The following TENM4 variants were observed in gnomAD, a reference collection of about 807,000 sequenced individuals.
TENM4 encodes teneurin transmembrane protein 4, also known as teneurin-4.
Under a neutral mutation model 243.3 loss-of-function variants are expected in TENM4, and 82 were observed. The observed-to-expected ratio is 0.34, with a 90% CI of 0.28 to 0.40. TENM4 has a LOEUF of 0.40. Among genes scored for constraint, TENM4 ranks in the 10% least tolerant of loss-of-function variants. The pLI is 1.00. For synonymous variants in TENM4, 1,412 were observed against 1,456.3 expected, an observed-to-expected ratio of 0.97 and a Z score of 0.69; for missense variants, 3,138 against 3,673.3, an observed-to-expected ratio of 0.85 and a Z score of 3.77.
intron 2 of TENM4, among the ~76,000 whole-genome samples, chr11:79,291,731 G>A (rs1257543167): frequency 6.6e-6 from 1 of 152,122 alleles, no homozygotes; most frequent in Non-Finnish European, 1.5e-5. Flanking sequence ...CCTCCAAAAG[G>A]GCAAAGCCCT....
chr11:79,084,810 T>G, intron 4 of TENM4, among the ~76,000 whole-genome samples: 1 of 152,176 alleles, frequency 6.6e-6, no homozygotes, highest in East Asian at 1.9e-4. Flanking sequence ...TATACTCACC[T>G]ACACATGTGA....
chr11:79,390,599 G>GGCC (rs5792852), intron 1 of TENM4, among the ~76,000 whole-genome samples: 76,911 of 151,700 alleles, frequency 0.51, 19,587 homozygotes, highest in East Asian at 0.55. Context: ...AGGAAAGAGA[G>GGCC]GCCGATTCAG....
At chr11:79,251,498 C>A (rs950563520) in intron 2 of TENM4, among the ~76,000 whole-genome samples, 3 of 152,140 alleles carry the variant, frequency 2.0e-5, no homozygotes, top group Non-Finnish European at 2.9e-5. Context: ...AAATCAGGCA[C>A]GAAATAGCTC....
chr11:78,671,637 A>T (rs1565325499), intron 31 of TENM4, among the ~76,000 whole-genome samples: 1 of 152,350 alleles, frequency 6.6e-6, no homozygotes, highest in East Asian at 1.9e-4. Context: ...CTTGAAGCTC[A>T]GGAGTAAGTG....
At chr11:78,723,398 T>C (rs770932073) in intron 23 of TENM4, among the ~76,000 whole-genome samples, 3 of 152,268 alleles carry the variant, frequency 2.0e-5, no homozygotes, top group African/African-American at 7.2e-5. Flanking sequence ...TTCCTTTCTG[T>C]ATCCCCAGTG....
chr11:78,741,893 T>A (rs75241992), intron 19 of TENM4, among the ~76,000 whole-genome samples: 1 of 152,322 alleles, frequency 6.6e-6, no homozygotes, highest in Admixed American at 6.5e-5. Context: ...CTAGCTCATA[T>A]GATCCTCTAT....
At chr11:79,373,986 A>G (rs1283083342) in intron 1 of TENM4, among the ~76,000 whole-genome samples, 3 of 152,186 alleles carry the variant, frequency 2.0e-5, no homozygotes, top group African/African-American at 7.2e-5. Flanking sequence ...TGGGGCAGGA[A>G]AGCAGGTAGG....
intron 12 of TENM4, among the ~76,000 whole-genome samples, chr11:78,818,086 G>T (rs1239491779): frequency 6.6e-6 from 1 of 152,108 alleles, no homozygotes; most frequent in Non-Finnish European, 1.5e-5. Context: ...TCAATCCAGA[G>T]GAGGGTCTCA....
At chr11:79,124,415 C>G (rs1257148170) in intron 4 of TENM4, among the ~76,000 whole-genome samples, 2 of 152,154 alleles carry the variant, frequency 1.3e-5, no homozygotes, top group African/African-American at 4.8e-5. Flanking sequence ...AGGGACTGGC[C>G]TAGCCTCCCA....
intron 6 of TENM4, among the ~76,000 whole-genome samples, chr11:79,005,283 C>A (rs1012541223): frequency 3.3e-5 from 5 of 152,132 alleles, no homozygotes; most frequent in African/African-American, 1.2e-4. Flanking sequence ...TATCCTGATA[C>A]CAAAACCTGG....
At chr11:78,968,693 T>C (rs906619529) in intron 6 of TENM4, among the ~76,000 whole-genome samples, 3 of 152,178 alleles carry the variant, frequency 2.0e-5, no homozygotes, top group Non-Finnish European at 4.4e-5. Flanking sequence ...ACATTCTCAC[T>C]AGGAAAATTC....
intron 6 of TENM4, among the ~76,000 whole-genome samples, chr11:78,924,904 A>T (rs1856521787): frequency 6.6e-6 from 1 of 152,188 alleles, no homozygotes; most frequent in Admixed American, 6.5e-5. Context: ...GCCCTCTCGG[A>T]AATCTGGACA....
intron 18 of TENM4, among the ~76,000 whole-genome samples, chr11:78,761,195 A>G (rs903189524): frequency 6.7e-6 from 1 of 149,194 alleles, no homozygotes; most frequent in Non-Finnish European, 1.5e-5. Flanking sequence ...TCCTATGGGA[A>G]TCTTGTATGG....
intron 6 of TENM4, among the ~76,000 whole-genome samples, chr11:79,049,747 T>C (rs542087798): frequency 2.9e-4 from 44 of 152,360 alleles, no homozygotes; most frequent in African/African-American, 1.0e-3. Flanking sequence ...AGGGCACCTA[T>C]GTGACTAGCA....
At chr11:79,307,894 A>T (rs1856653370) in intron 1 of TENM4, among the ~76,000 whole-genome samples, 1 of 152,168 alleles carries the variant, frequency 6.6e-6, no homozygotes, top group Non-Finnish European at 1.5e-5. Flanking sequence ...GGAGACCTCA[A>T]CTTGGAGCCA....
intron 25 of TENM4, among the ~76,000 whole-genome samples, chr11:78,717,162 A>G (rs1859539330): frequency 6.6e-6 from 1 of 152,192 alleles, no homozygotes; most frequent in Admixed American, 6.5e-5. Flanking sequence ...GAAGTGATGT[A>G]AAATCAAGAG....
chr11:79,130,982 G>T (rs899208012), intron 4 of TENM4, among the ~76,000 whole-genome samples: 5 of 151,902 alleles, frequency 3.3e-5, no homozygotes, highest in Non-Finnish European at 7.4e-5. Flanking sequence ...CAAAGACAAA[G>T]AAAAAATAAT....
At chr11:79,268,370 T>C (rs1445615614) in intron 2 of TENM4, among the ~76,000 whole-genome samples, 3 of 152,232 alleles carry the variant, frequency 2.0e-5, no homozygotes, top group African/African-American at 7.2e-5. Flanking sequence ...GGGCTGTAGT[T>C]AACTGACCCA....
chr11:78,693,993 C>G lies in TENM4; in HGVS notation c.5088-5767G>C, dbSNP rs143042378. ...TCGCACCATCGCACTCCAGCCTGGGCGACAGAGTGAGACTCCATCTCAAAA... is the reference window on the plus strand; with the variant it reads ...TCGCACCATCGCACTCCAGCCTGGGGGACAGAGTGAGACTCCATCTCAAAA... On this transcript the variant is annotated intron_variant, in intron 28 of 33. Transcript: ENST00000278550. 1.7e-3 allele frequency among the ~76,000 whole-genome samples: 252 copies of G among 152,146 alleles called. 7 individuals carry two copies. In the East Asian group the frequency reaches 0.041, roughly 25 times the overall value.
Sources: gnomAD v4.1 joint callset for allele counts (sites outside exome capture counted in the v4.1 genomes callset) on GRCh38, gnomAD v4.1.1 for gene constraint, MANE v1.5 for transcripts, NCBI Gene and HGNC (gene_info 2026-07-23, HGNC 2026-07-21) for gene names.